Variants in PHF2 observed in about 807,000 individuals in gnomAD.
PHF2 encodes the protein lysine-specific demethylase PHF2.
Under a neutral mutation model 120.5 loss-of-function variants are expected in PHF2, and 27 were observed. That is an observed-to-expected ratio of 0.22 (90% confidence interval 0.17 to 0.31). PHF2 has a LOEUF of 0.31. PHF2 is among the 10% of genes least tolerant of loss of function. The probability of loss-of-function intolerance (pLI) is 1.00; values close to 1 mark genes in which losing one functional copy is unlikely to be tolerated. For synonymous variants in PHF2, 568 were observed against 592.5 expected (o/e 0.96, Z 0.60); for missense variants, 1,024 against 1,434.8 (o/e 0.71, Z 4.63).
At chr9:93,597,165 A>T (rs1045346958) in intron 1 of PHF2, among the ~76,000 whole-genome samples, 7 of 151,918 alleles carry the variant, frequency 4.6e-5, no homozygotes, top group African/African-American at 1.7e-4. Context: ...TCTTGCCCTC[A>T]TGGTCCGCCT....
chr9:93,624,515 A>G (rs1160345669), intron 1 of PHF2, among the ~76,000 whole-genome samples: 1 of 148,848 alleles, frequency 6.7e-6, no homozygotes, highest in Non-Finnish European at 1.5e-5. Flanking sequence ...GACAACGGTG[A>G]TGGTGGTGGT....
intron 9 of PHF2, among the ~76,000 whole-genome samples, chr9:93,657,610 C>T (rs1006981096): frequency 6.6e-6 from 1 of 152,164 alleles, no homozygotes. Context: ...CTGAGAGGAC[C>T]CAGGGAGCTG....
intron 4 of PHF2, among the ~76,000 whole-genome samples, chr9:93,646,639 G>T (rs1826265918): frequency 6.6e-6 from 1 of 152,194 alleles, no homozygotes; most frequent in African/African-American, 2.4e-5. Flanking sequence ...TGTGCTGGAG[G>T]TGAAATGAAG....
chr9:93,579,797 G>T (rs1308538570), intron 1 of PHF2, among the ~76,000 whole-genome samples: 1 of 152,236 alleles, frequency 6.6e-6, no homozygotes, highest in Non-Finnish European at 1.5e-5. Flanking sequence ...AGTCGCGGTG[G>T]CTGCGTCTTT....
chr9:93,576,651 C>A lies in PHF2; in HGVS notation c.-123C>A. 1 of 157,372 alleles carries A rather than the reference C, an allele frequency of 6.4e-6. No individual in the cohort carries two copies. The highest frequency in any genetic ancestry group is 1.3e-5 in the Non-Finnish European group (1 of 76,992). The allele number at this position is 157,372 out of a possible 1,614,324, so 9.7% of individuals were successfully genotyped here. A position where few individuals can be genotyped will look rare whatever the true frequency, so the allele number is the denominator to read the frequency against. Reference sequence around the variant, plus strand: ...CGTGCGCCCCCGTCCCCGTCCCCTCCCGGCCGCGGCGCCGCCTGCGCCCCG... The same window carrying A: ...CGTGCGCCCCCGTCCCCGTCCCCTCACGGCCGCGGCGCCGCCTGCGCCCCG... On this transcript the variant is annotated 5_prime_UTR_variant, in exon 1 of 22. Transcript: ENST00000359246.
At chr9:93,582,783 C>T (rs116081351) in intron 1 of PHF2, among the ~76,000 whole-genome samples, 1,752 of 152,250 alleles carry the variant, frequency 0.012, 34 homozygotes, top group African/African-American at 0.041. Flanking sequence ...CCAAAGGAGG[C>T]GTGTCTTGAA....
rs377665177 is a variant in PHF2, at chr9:93,645,795, C to A, written c.460+6C>A. On this transcript the variant is annotated splice_donor_region_variant and intron_variant, in intron 4 of 21. Transcript: ENST00000359246. The stretch of plus-strand genomic sequence containing the variant: ...TGACGTCGAGAACTACGTGGGTAAG[C>A]GCCATCCCCTTCACAGTGCTCTGGG... 1 of 1,575,556 alleles carries A rather than the reference C, an allele frequency of 6.3e-7. No homozygotes were observed. The highest frequency in any genetic ancestry group is 8.6e-7 in the Non-Finnish European group (1 of 1,158,524).
rs535809187 is a variant in PHF2, at chr9:93,656,319, C to G, written c.1041-170C>G. Reference sequence around the variant, plus strand: ...TCTCTTCTTGGGCACTGACAGAACTCTCATGGGCCCCGAGGTCTGCAGCCA... The same window carrying G: ...TCTCTTCTTGGGCACTGACAGAACTGTCATGGGCCCCGAGGTCTGCAGCCA... On this transcript the variant is annotated intron_variant, in intron 8 of 21. Transcript: ENST00000359246. The surrounding 1 kb of genome is among the most constrained non-coding windows in gnomAD (Gnocchi z 4.1). 6.6e-6 allele frequency among the ~76,000 whole-genome samples: 1 copy of G among 152,248 alleles called. No individual in the cohort carries two copies. The highest frequency in any genetic ancestry group is 6.5e-5 in the Admixed American group (1 of 15,302).
chr9:93,661,392 TG>T (rs1376984314), intron 12 of PHF2, among the ~76,000 whole-genome samples: 1 of 152,198 alleles, frequency 6.6e-6, no homozygotes, highest in African/African-American at 2.4e-5. Flanking sequence ...GATGGCTAAA[TG>T]GCTGGATGAA....
chr9:93,656,871 G>A lies in PHF2; in HGVS notation c.1147+276G>A, dbSNP rs1025298579. On this transcript the variant is annotated intron_variant, in intron 9 of 21. Transcript: ENST00000359246. This position sits in a 1 kb window ranked among gnomAD's most constrained non-coding sequence, Gnocchi z 4.1. Reference sequence around the variant, plus strand: ...AGGGGTGAGTGTGCATGGCCTCAGTGCAGGTATCAATCACACCTGCTCCAC... The same window carrying A: ...AGGGGTGAGTGTGCATGGCCTCAGTACAGGTATCAATCACACCTGCTCCAC... 6.6e-6 allele frequency among the ~76,000 whole-genome samples: 1 copy of A among 152,212 alleles called. No individual in the cohort carries two copies. Among genetic ancestry groups the A allele is most frequent in the African/African-American group, 2.4e-5 (1 of 41,460 alleles).
chr9:93,663,683 T>C, intron 14 of PHF2, 48 bp downstream of exon 14: 1 of 1,035,098 alleles, frequency 9.7e-7, no homozygotes. Context: ...ATAACCGACA[T>C]CACACACACC....
chr9:93,632,445 G>A (rs548124076), intron 2 of PHF2, among the ~76,000 whole-genome samples: 9 of 152,240 alleles, frequency 5.9e-5, no homozygotes, highest in Non-Finnish European at 1.3e-4. Context: ...ACAGACTGGA[G>A]GGCTTAAGTA....
rs201138596 is a variant in PHF2 at position 93,583,084 on chromosome 9, TG to T, written c.98+6214del. Among the ~76,000 whole-genome samples, 8 of 152,350 alleles carry T rather than the reference TG, an allele frequency of 5.3e-5. No individual in the cohort carries two copies. In the East Asian group the frequency reaches 1.4e-3, roughly 26 times the overall value. On this transcript the variant is annotated intron_variant, in intron 1 of 21. Coordinates refer to ENST00000359246, the MANE Select transcript of PHF2 (RefSeq NM_005392.4). ...GCCCTTTCTTCCTCCCACTAGCCCC[TG>T]ACAACTAGCAGTCTGCTTTCTGTCT...
intron 17 of PHF2, among the ~76,000 whole-genome samples, chr9:93,669,440 G>A (rs1826742197): frequency 6.6e-6 from 1 of 152,258 alleles, no homozygotes; most frequent in Non-Finnish European, 1.5e-5. Flanking sequence ...TGTGGTCCTG[G>A]CACTGTGGGG....
At chr9:93,613,573 T>C (rs1825673785) in intron 1 of PHF2, among the ~76,000 whole-genome samples, 1 of 150,666 alleles carries the variant, frequency 6.6e-6, no homozygotes, top group Non-Finnish European at 1.5e-5. Flanking sequence ...TTTTTTTTTT[T>C]TTTTGAGACA....
At position 93,677,198 on chromosome 9, in the gene PHF2, G is replaced by GCCTGCACC. The variant is rs985166345; in HGVS notation, c.3202+246_3202+253dup. ...AGTGGGCGTGCTCAGCCCCTGATCT[G>GCCTGCACC]CCTGCACCCCTGCACCCCAGCCGTG... On this transcript the variant is annotated intron_variant, in intron 21 of 21. Transcript: ENST00000359246. This position sits in a 1 kb window ranked among gnomAD's most constrained non-coding sequence, Gnocchi z 4.4. Among the ~76,000 whole-genome samples, 2 of 150,634 alleles carry GCCTGCACC rather than the reference G, an allele frequency of 1.3e-5. No individual in the cohort carries two copies. Among genetic ancestry groups the GCCTGCACC allele is most frequent in the African/African-American group, 4.9e-5 (2 of 40,948 alleles).
chr9:93,650,005 TCA>T (rs1287146234), intron 5 of PHF2, among the ~76,000 whole-genome samples: 3 of 148,476 alleles, frequency 2.0e-5, no homozygotes, highest in Admixed American at 6.7e-5. Context: ...CGTGGTACAC[TCA>T]CACTCACGGA....
intron 1 of PHF2, chr9:93,595,022 G>T (rs551662104): frequency 6.5e-6 from 1 of 152,692 alleles, no homozygotes; most frequent in Admixed American, 6.5e-5. Flanking sequence ...AGGTACTCAG[G>T]TACTTACAAA....
intron 1 of PHF2, among the ~76,000 whole-genome samples, chr9:93,602,801 C>T (rs1015167754): frequency 1.3e-5 from 2 of 152,106 alleles, no homozygotes; most frequent in Non-Finnish European, 2.9e-5. Flanking sequence ...GGATTGTAGT[C>T]GAGTTTTATA....
Sources: allele counts gnomAD v4.1 joint callset (sites outside exome capture counted in the v4.1 genomes callset), GRCh38; gene constraint gnomAD v4.1.1; non-coding constraint Gnocchi (gnomAD v3.1); transcripts MANE v1.5; gene names NCBI Gene and HGNC (gene_info 2026-07-23, HGNC 2026-07-21).